The following ZNF79 variants were observed in gnomAD, a reference collection of about 807,000 sequenced individuals.
ZNF79 encodes the protein zinc finger protein 79.
In ZNF79, 13 loss-of-function variants were observed where a neutral mutation model predicts 14.9. The observed-to-expected ratio is 0.87, with a 90% CI of 0.57 to 1.38. The LOEUF is 1.38. Among genes scored for constraint, ZNF79 ranks in the 40% most tolerant of loss-of-function variants. The pLI is 0.00. For missense variants in ZNF79, 631 were observed against 630.6 expected (o/e 1.00, Z -0.01); for synonymous variants, 223 against 235.1 (o/e 0.95, Z 0.47).
At chr9:127,427,566 G>A in intron 1 of ZNF79, among the ~76,000 whole-genome samples, 1 of 136,946 alleles carries the variant, frequency 7.3e-6, no homozygotes, top group Non-Finnish European at 1.5e-5. Flanking sequence ...TTTTGAGGCA[G>A]AGTCTTGCTT....
chr9:127,438,360 A>G (rs1833986350), intron 4 of ZNF79, among the ~76,000 whole-genome samples: 1 of 152,144 alleles, frequency 6.6e-6, no homozygotes, highest in Non-Finnish European at 1.5e-5. Flanking sequence ...GGAAGCACTT[A>G]TTTTAGAAAA....
rs1287863758 is a variant in ZNF79, at chr9:127,444,819, T to G, written c.1119T>G (p.Ser373Arg). 1 of 1,599,902 alleles carries G rather than the reference T, an allele frequency of 6.3e-7. No individual in the cohort carries two copies. Among genetic ancestry groups the G allele is most frequent in the Non-Finnish European group, 8.5e-7 (1 of 1,173,350 alleles). Residue 373 changes from serine to arginine, a missense_variant, in exon 5 of 5, where the codon AGT (serine) becomes AGG (arginine). Ser to Arg is a moderately radical substitution (Grantham distance 110). Transcript: ENST00000342483. ...CGTGTGGGAAGGCCTTCAGCCAGAG[T>G]GCAAACCTCACAAACCATCAGAGGA... The part of the protein sequence containing the change: ...CAACGKAFSQ[S>R]ANLTNHQRTH...
At chr9:127,428,779 T>C in intron 1 of ZNF79, 53 bp from the exon 2 acceptor site, 1 of 1,441,296 alleles carries the variant, frequency 6.9e-7, no homozygotes, top group Non-Finnish European at 9.3e-7. Context: ...CAGTGAGAAC[T>C]GGTGACTTCA....
intron 4 of ZNF79, among the ~76,000 whole-genome samples, chr9:127,436,941 G>A (rs1398004987): frequency 6.6e-6 from 1 of 151,836 alleles, no homozygotes; most frequent in East Asian, 1.9e-4. Flanking sequence ...CACATGTAAT[G>A]CCAGCTACTT....
intron 4 of ZNF79, among the ~76,000 whole-genome samples, chr9:127,442,398 T>C (rs1410078195): frequency 5.0e-5 from 7 of 141,018 alleles, no homozygotes; most frequent in African/African-American, 1.9e-4. Context: ...TGAAACTCCA[T>C]CTCAAAAAAA....
chr9:127,434,392 T>C (rs2131951080), intron 2 of ZNF79, among the ~76,000 whole-genome samples: 1 of 152,340 alleles, frequency 6.6e-6, no homozygotes, highest in South Asian at 2.1e-4. Flanking sequence ...AAAATTCATC[T>C]TTCACATTTC....
intron 3 of ZNF79, 51 bp downstream of exon 3, chr9:127,435,267 G>A: frequency 6.5e-7 from 1 of 1,537,268 alleles, no homozygotes; most frequent in Non-Finnish European, 8.7e-7. Flanking sequence ...CTGAAAATCT[G>A]TGGCACTTGC....
At chr9:127,424,848 C>T (rs955002634) in intron 1 of ZNF79, 45 bp downstream of exon 1, 1 of 1,612,362 alleles carries the variant, frequency 6.2e-7, no homozygotes, top group African/African-American at 1.3e-5. Context: ...TCGGCTGCTG[C>T]TTCGTTTGCC....
rs1176566929 is a variant in ZNF79, at chr9:127,445,161, C to T, written c.1461C>T (p.Ala487=). ...ECGKAFRCSS[A]FVRHQRLHAG... The stretch of plus-strand genomic sequence containing the variant: ...GGAAGGCCTTCCGGTGCAGCTCTGC[C>T]TTCGTTAGACATCAGAGACTCCACG... Residue 487 remains alanine, a synonymous_variant, in exon 5 of 5, where the codon GCC becomes GCT. Transcript: ENST00000342483. 2.5e-6 allele frequency: 4 copies of T among 1,614,198 alleles called. No individual in the cohort carries two copies. The highest frequency in any genetic ancestry group is 1.3e-5 in the African/African-American group (1 of 75,056).
intron 2 of ZNF79, among the ~76,000 whole-genome samples, chr9:127,434,340 G>A (rs1002925302): frequency 2.0e-5 from 3 of 152,010 alleles, no homozygotes. Flanking sequence ...CTGCTGTACT[G>A]GGTGATATCT....
rs778208151 is a variant in ZNF79 at position 127,435,992 on chromosome 9, G to C, written c.317G>C (p.Ser106Thr). 1 of 1,614,168 alleles carries C rather than the reference G, an allele frequency of 6.2e-7. No individual in the cohort carries two copies. Among genetic ancestry groups the C allele is most frequent in the South Asian group, 1.1e-5 (1 of 91,082 alleles). Residue 106 changes from serine (S) to threonine (T), a missense_variant, in exon 4 of 5, where the codon AGT (serine) becomes ACT (threonine). Coordinates refer to ENST00000342483, the MANE Select transcript of ZNF79 (RefSeq NM_007135.3). ...AWMLEGEDLR[S>T]PSPGWKIISG... ...ATGCTGGAGGGCGAAGACCTGCGAA[G>C]TCCCTCTCCAGGTATGTGAGCAAGC...
rs751084141 is a variant in ZNF79, at chr9:127,444,345, C to T, written c.645C>T (p.His215=). ...CCCTTTCTCAGCATCAGAAGAGCCA[C>T]ACTGGAGAGAAGCCCTATGAGTGCA... ...CSSLSQHQKS[H]TGEKPYECSE... The change falls in exon 5 of 5, where the codon CAC becomes CAT. Residue 215 remains histidine (H), a synonymous_variant. Coordinates refer to ENST00000342483, the MANE Select transcript of ZNF79 (RefSeq NM_007135.3). 1 of 1,614,000 alleles carries T rather than the reference C, an allele frequency of 6.2e-7. No individual in the cohort carries two copies. The highest frequency in any genetic ancestry group is 1.3e-5 in the African/African-American group (1 of 75,054).
intron 2 of ZNF79, among the ~76,000 whole-genome samples, chr9:127,432,970 T>A (rs1339640516): frequency 6.6e-6 from 1 of 152,084 alleles, no homozygotes; most frequent in Non-Finnish European, 1.5e-5. Context: ...TTAGTAGAGA[T>A]GGGGTTTCAC....
In ZNF79 at chr9:127,424,643, C is replaced by A. The variant is rs1395812594; in HGVS notation, c.-145C>A. On this transcript the variant is annotated 5_prime_UTR_variant, in exon 1 of 5. Transcript: ENST00000342483. ...GCGACCCAGCACCGCAGGATCAGAC[C>A]GTGCCTCTGCGGGGAGAGGCTGGAG... is the stretch of plus-strand genomic sequence containing the variant. 4 of 1,284,508 alleles carry A rather than the reference C, an allele frequency of 3.1e-6. No homozygotes were observed. The highest frequency in any genetic ancestry group is 2.9e-5 in the African/African-American group (2 of 68,124). 79.6% of individuals were successfully genotyped at this position (1,284,508 alleles called of 1,614,324 possible).
rs1833939597 is a variant in ZNF79, at chr9:127,435,938, C to T, written c.263C>T (p.Ser88Phe). Reference protein sequence around the residue: ...GLPVSQPGMNSQLEQREGAWM... With the variant: ...GLPVSQPGMNFQLEQREGAWM... ...CCAGTTTCCCAGCCTGGCATGAACT[C>T]CCAGTTGGAACAAAGGGAAGGCGCA... is the stretch of plus-strand genomic sequence containing the variant. Residue 88 changes from serine to phenylalanine, a missense_variant, in exon 4 of 5, where the codon TCC becomes TTC. Ser to Phe is a radical substitution (Grantham distance 155, BLOSUM62 -2). Coordinates refer to ENST00000342483, the MANE Select transcript of ZNF79 (RefSeq NM_007135.3). 1.2e-6 allele frequency: 2 copies of T among 1,614,072 alleles called. No individual in the cohort carries two copies. Among genetic ancestry groups the T allele is most frequent in the Non-Finnish European group, 1.7e-6 (2 of 1,180,030 alleles).
intron 2 of ZNF79, among the ~76,000 whole-genome samples, chr9:127,430,933 G>A (rs1368025317): frequency 4.6e-5 from 7 of 152,190 alleles, no homozygotes; most frequent in South Asian, 2.1e-4. Flanking sequence ...CTGCAGCCTC[G>A]CCAGCATCTG....
chr9:127,442,009 T>C (rs1477796862), intron 4 of ZNF79, among the ~76,000 whole-genome samples: 1 of 151,992 alleles, frequency 6.6e-6, no homozygotes. Context: ...CCTAGCTACT[T>C]GGGAGGCTGA....
chr9:127,428,153 G>A (rs1833794654), intron 1 of ZNF79, among the ~76,000 whole-genome samples: 1 of 151,802 alleles, frequency 6.6e-6, no homozygotes, highest in Admixed American at 6.6e-5. Context: ...GCTAATTTTT[G>A]TATTTTTAAT....
At chr9:127,424,924 A>G in intron 1 of ZNF79, 121 bp downstream of exon 1, 5 of 1,547,360 alleles carry the variant, frequency 3.2e-6, no homozygotes, top group South Asian at 1.2e-5. Flanking sequence ...GTTGGAGACA[A>G]TCATTTTTTC....
Sources: gnomAD v4.1 joint callset for allele counts (sites outside exome capture counted in the v4.1 genomes callset) on GRCh38, gnomAD v4.1.1 for gene constraint, MANE v1.5 for transcripts, NCBI Gene and HGNC (gene_info 2026-07-23, HGNC 2026-07-21) for gene names.